The following APELA variants were observed in gnomAD, a reference collection of about 807,000 sequenced individuals.
APELA encodes protein Elabela.
chr4:164,882,672 T>G (rs1222207523), intron 2 of APELA, among the ~76,000 whole-genome samples: 2 of 152,136 alleles, frequency 1.3e-5, no homozygotes, highest in Non-Finnish European at 2.9e-5. Flanking sequence ...TGTATACATG[T>G]GCTATGTTAG....
chr4:164,889,662 C>G (rs190563053), intron 2 of APELA, among the ~76,000 whole-genome samples: 1 of 152,246 alleles, frequency 6.6e-6, no homozygotes, highest in Non-Finnish European at 1.5e-5. Context: ...TCAACCGTCA[C>G]CTAGGCATTA....
rs541628781 is a variant in APELA, at chr4:164,889,140, T to C, written c.*2-6276T>C. ...TGCCTCAGCCCCCCAATAACTTCTT[T>C]TATTACACTGGCCAAAGTAACCTCG... On this transcript the variant is annotated intron_variant, in intron 2 of 2. Coordinates refer to ENST00000507152, the MANE Select transcript of APELA (RefSeq NM_001297550.2). 6.4e-4 allele frequency among the ~76,000 whole-genome samples: 97 copies of C among 151,968 alleles called. 2 individuals are homozygous for C. The South Asian group carries it at 0.019, about 30-fold the overall frequency.
intron 2 of APELA, among the ~76,000 whole-genome samples, chr4:164,889,534 C>T (rs1052135328): frequency 1.1e-4 from 17 of 152,066 alleles, no homozygotes; most frequent in African/African-American, 4.1e-4. Flanking sequence ...TTTATTTGTA[C>T]ATATGAAAAC....
intron 2 of APELA, among the ~76,000 whole-genome samples, chr4:164,884,632 C>T (rs1311100953): frequency 6.6e-6 from 1 of 152,046 alleles, no homozygotes; most frequent in Non-Finnish European, 1.5e-5. Flanking sequence ...CCACACAGCT[C>T]ACTCTCTGGT....
chr4:164,879,150 G>C (rs1327697673), intron 2 of APELA, 141 bp downstream of exon 2: 4 of 394,960 alleles, frequency 1.0e-5, no homozygotes, highest in Admixed American at 8.8e-5. Context: ...ACCAATAAAT[G>C]AAAGAGTTAA....
downstream of APELA, among the ~76,000 whole-genome samples, chr4:164,897,911 G>A (rs1731004527): frequency 6.6e-6 from 1 of 152,142 alleles, no homozygotes; most frequent in Non-Finnish European, 1.5e-5. Flanking sequence ...CTTTCTTGGA[G>A]ATAGAGTCTC....
At chr4:164,889,077 C>G (rs566704800) in intron 2 of APELA, among the ~76,000 whole-genome samples, 1 of 152,018 alleles carries the variant, frequency 6.6e-6, no homozygotes, top group African/African-American at 2.4e-5. Flanking sequence ...GATCTCGCCT[C>G]ACTGCTAGAT....
At chr4:164,883,223 T>C (rs1730694624) in intron 2 of APELA, among the ~76,000 whole-genome samples, 1 of 152,222 alleles carries the variant, frequency 6.6e-6, no homozygotes, top group Non-Finnish European at 1.5e-5. Context: ...TCTACTTTCA[T>C]GGAGCACTTC....
In APELA at chr4:164,896,830, A is replaced by T. The variant is rs1165576776; in HGVS notation, c.*1416A>T. On this transcript the variant is annotated 3_prime_UTR_variant, in exon 3 of 3. Coordinates refer to ENST00000507152, the MANE Select transcript of APELA (RefSeq NM_001297550.2). ...AAGATGAGATCTGGCTCTATCACCC[A>T]GGCTAAAGTGCAGTGGCATGATCTA... is the stretch of plus-strand genomic sequence containing the variant. 6.6e-6 allele frequency: 1 copy of T among 152,034 alleles called. No homozygotes were observed. The highest frequency in any genetic ancestry group is 2.4e-5 in the African/African-American group (1 of 41,386). 9.4% of individuals were successfully genotyped at this position (152,034 alleles called of 1,614,324 possible). A position where few individuals can be genotyped will look rare whatever the true frequency, so the allele number is the denominator to read the frequency against.
chr4:164,898,294 G>C (rs1731014629), downstream of APELA, among the ~76,000 whole-genome samples: 2 of 151,496 alleles, frequency 1.3e-5, no homozygotes, highest in South Asian at 4.2e-4. Context: ...CTGAGGTCAG[G>C]AGTTCGAGAC....
At chr4:164,888,555 C>A (rs1730822037) in intron 2 of APELA, among the ~76,000 whole-genome samples, 1 of 152,180 alleles carries the variant, frequency 6.6e-6, no homozygotes, top group South Asian at 2.1e-4. Flanking sequence ...GCTTCCTGGG[C>A]TGGTTGCTGC....
At position 164,877,233 on chromosome 4, in the gene APELA, A is replaced by G. The variant is rs367549387; in HGVS notation, c.-99A>G. 1 of 396,860 alleles carries G rather than the reference A, an allele frequency of 2.5e-6. No homozygotes were observed. The highest frequency in any genetic ancestry group is 3.6e-5 in the East Asian group (1 of 27,992). 24.6% of individuals were successfully genotyped at this position (396,860 alleles called of 1,614,324 possible). On this transcript the variant is annotated 5_prime_UTR_variant, in exon 1 of 3. Transcript: ENST00000507152. ...AGCTGGCAGTTCTCTGAGGTTTGTC[A>G]CTAGAATGTGAAGACAGCCACACAG...
chr4:164,894,996 C>T (rs1286094595), intron 2 of APELA, among the ~76,000 whole-genome samples: 1 of 152,128 alleles, frequency 6.6e-6, no homozygotes, highest in African/African-American at 2.4e-5. Flanking sequence ...AGAAATGAAG[C>T]AAGAAGCAGC....
chr4:164,888,184 G>A (rs1248102397), intron 2 of APELA, among the ~76,000 whole-genome samples: 2 of 151,324 alleles, frequency 1.3e-5, no homozygotes, highest in Non-Finnish European at 2.9e-5. Context: ...TACTCCTGAG[G>A]AAAAAAAGAA....
At chr4:164,886,958 T>C (rs571598469) in intron 2 of APELA, among the ~76,000 whole-genome samples, 77 of 152,100 alleles carry the variant, frequency 5.1e-4, no homozygotes, top group Non-Finnish European at 9.6e-4. Flanking sequence ...CCCAAGTAGC[T>C]GGGATTACAG....
At chr4:164,883,240 A>T (rs1479583246) in intron 2 of APELA, among the ~76,000 whole-genome samples, 1 of 152,194 alleles carries the variant, frequency 6.6e-6, no homozygotes, top group Non-Finnish European at 1.5e-5. Flanking sequence ...CTTCATCTCC[A>T]ACTTTAGCTG....
intron 2 of APELA, among the ~76,000 whole-genome samples, chr4:164,889,818 T>C (rs1730847563): frequency 1.3e-5 from 2 of 152,234 alleles, no homozygotes; most frequent in Admixed American, 1.3e-4. Context: ...CAAACTTTTT[T>C]CCTTGTCTTT....
chr4:164,879,795 A>G (rs1243293102), intron 2 of APELA, among the ~76,000 whole-genome samples: 1 of 152,160 alleles, frequency 6.6e-6, no homozygotes, highest in Non-Finnish European at 1.5e-5. Flanking sequence ...TTTTCTGAAA[A>G]TATTTCTTTT....
chr4:164,898,211 G>T (rs1028573630), downstream of APELA, among the ~76,000 whole-genome samples: 12 of 150,648 alleles, frequency 8.0e-5, no homozygotes, highest in African/African-American at 2.7e-4. Context: ...TGTATTAAAA[G>T]TTCTTTGTGG....
Sources: gnomAD v4.1 joint callset for allele counts (sites outside exome capture counted in the v4.1 genomes callset) on GRCh38, gnomAD v4.1.1 for gene constraint, MANE v1.5 for transcripts, NCBI Gene and HGNC (gene_info 2026-07-23, HGNC 2026-07-21) for gene names.